AKAP1: variants seen among roughly 807,000 people sequenced by gnomAD.
AKAP1 encodes the protein A-kinase anchoring protein 1.
AKAP1 carries 32 observed loss-of-function variants against 79.8 expected under a neutral mutation model. The ratio of observed to expected loss-of-function variants is 0.40; its 90% CI spans 0.30 to 0.54. AKAP1 has a LOEUF of 0.54. AKAP1 is among the 20% of genes least tolerant of loss of function. AKAP1 has a pLI of 0.47. For synonymous variants in AKAP1, 416 were observed against 466.7 expected (o/e 0.89, Z 1.40); for missense variants, 961 against 1,138.9 (o/e 0.84, Z 2.25).
At chr17:57,110,273 G>A (rs1204731176) in intron 3 of AKAP1, 115 bp downstream of exon 3, 3 of 1,433,592 alleles carry the variant, frequency 2.1e-6, no homozygotes, top group East Asian at 2.3e-5. Context: ...ACCAGAAGGA[G>A]CCCTGGGTCA....
intron 7 of AKAP1, 104 bp downstream of exon 7, chr17:57,116,365 C>A: frequency 7.0e-7 from 1 of 1,423,070 alleles, no homozygotes; most frequent in Non-Finnish European, 9.7e-7. Context: ...AGGGTTACTT[C>A]TTCCCTCCTG....
At chr17:57,118,951 C>T in intron 9 of AKAP1, 31 bp from the exon 10 acceptor site, 1 of 1,606,120 alleles carries the variant, frequency 6.2e-7, no homozygotes, top group Non-Finnish European at 8.5e-7. Flanking sequence ...CAAAACCTAA[C>T]CATATTATTC....
chr17:57,107,249 G>A lies in AKAP1; in HGVS notation c.1714+71G>A, dbSNP rs571447430. The A allele has an allele frequency of 3.1e-5, 47 of 1,524,468 alleles. No individual in the cohort carries two copies. The South Asian group carries it at 6.0e-4, about 19-fold the overall frequency. The allele number at this position is 1,524,468 out of a possible 1,614,324, so 94.4% of individuals were successfully genotyped here. A position where few individuals can be genotyped will look rare whatever the true frequency, so the allele number is the denominator to read the frequency against. On this transcript the variant is annotated intron_variant, in intron 2 of 10. Transcript: ENST00000337714. The stretch of plus-strand genomic sequence containing the variant: ...TTTCTTGGAGAAAGGCTGCCAGTCT[G>A]CCTCTCCCTTCTGCTACTTGTGCAG...
chr17:57,097,157 T>C (rs1914164016), intron 1 of AKAP1, among the ~76,000 whole-genome samples: 1 of 152,184 alleles, frequency 6.6e-6, no homozygotes, highest in Non-Finnish European at 1.5e-5. Flanking sequence ...TTCCCTCCCA[T>C]GCCCAAAGAT....
intron 2 of AKAP1, among the ~76,000 whole-genome samples, chr17:57,108,448 G>A (rs188680488): frequency 4.6e-5 from 7 of 152,318 alleles, no homozygotes; most frequent in African/African-American, 1.2e-4. Flanking sequence ...GAATAAAGGA[G>A]TTTCCCTTTG....
At chr17:57,118,925 T>A in intron 9 of AKAP1, 57 bp from the exon 10 acceptor site, 1 of 1,558,754 alleles carries the variant, frequency 6.4e-7, no homozygotes, top group Admixed American at 1.7e-5. Context: ...TTCAAGATGA[T>A]ATTTGAGTGG....
rs1567908219 is a variant in AKAP1 at position 57,106,847 on chromosome 17, G to C, written c.1383G>C (p.Leu461=). 1 of 1,614,144 alleles carries C rather than the reference G, an allele frequency of 6.2e-7. No individual in the cohort carries two copies. Among genetic ancestry groups the C allele is most frequent in the Non-Finnish European group, 8.5e-7 (1 of 1,180,028 alleles). ...ATATCTCTGCACACCACATCTCCCTGGCCTCCTGCCTGGCACTGACCACCC... is the reference window on the plus strand; with the variant it reads ...ATATCTCTGCACACCACATCTCCCTCGCCTCCTGCCTGGCACTGACCACCC... ...KPNISAHHIS[L]ASCLALTTPS... is the part of the protein sequence containing the mutation. The change falls in exon 2 of 11, where the codon CTG becomes CTC. Residue 461 remains leucine, a synonymous_variant. Coordinates refer to ENST00000337714, the MANE Select transcript of AKAP1 (RefSeq NM_003488.4).
rs373594592 is a variant in AKAP1 at position 57,106,022 on chromosome 17, C to T, written c.558C>T (p.Pro186=). The change falls in exon 2 of 11, where the codon CCC becomes CCT. Residue 186 remains proline, a synonymous_variant. Coordinates refer to ENST00000337714, the MANE Select transcript of AKAP1 (RefSeq NM_003488.4). ...RKVQPGYPVV[P]AEKRSSGERA... ...TCCAGCCAGGCTACCCCGTAGTCCC[C>T]GCAGAGAAGCGTAGCTCTGGGGAGA... The T allele has an allele frequency of 1.3e-5, 21 of 1,613,464 alleles. No homozygotes were observed. The highest frequency in any genetic ancestry group is 4.0e-5 in the African/African-American group (3 of 75,046).
chr17:57,101,706 A>G (rs1224311740), intron 1 of AKAP1: 2 of 152,220 alleles, frequency 1.3e-5, no homozygotes, highest in African/African-American at 2.4e-5. Flanking sequence ...TCCCAAAAGG[A>G]GGAAGTAAGA....
intron 1 of AKAP1, chr17:57,094,957 A>G (rs1231647734): frequency 1.3e-5 from 2 of 151,550 alleles, no homozygotes; most frequent in Non-Finnish European, 2.9e-5. Flanking sequence ...GGGCATCCCA[A>G]CTCTCCTTGG....
In AKAP1 at chr17:57,086,321, G is replaced by T; in HGVS notation, c.-25+923G>T. On this transcript the variant is annotated intron_variant, in intron 1 of 10. Transcript: ENST00000337714. The surrounding 1 kb of genome is among the most constrained non-coding windows in gnomAD (Gnocchi z 5.1). Reference sequence around the variant, plus strand: ...TGGATGCCTCGAACGCGGGCTTTCTGGCGTTCAACTCTTTTGTGCCCTAGC... The same window carrying T: ...TGGATGCCTCGAACGCGGGCTTTCTTGCGTTCAACTCTTTTGTGCCCTAGC... 1 of 415,094 alleles carries T rather than the reference G, an allele frequency of 2.4e-6. No homozygotes were observed. The highest frequency in any genetic ancestry group is 4.8e-6 in the Non-Finnish European group (1 of 208,320). 25.7% of individuals were successfully genotyped at this position (415,094 alleles called of 1,614,324 possible).
intron 5 of AKAP1, among the ~76,000 whole-genome samples, chr17:57,113,517 G>A (rs1247312765): frequency 6.6e-6 from 1 of 150,768 alleles, no homozygotes; most frequent in African/African-American, 2.4e-5. Context: ...ATATGTGAGA[G>A]TAGGCTGAAT....
At chr17:57,118,576 G>A in intron 9 of AKAP1, 122 bp downstream of exon 9, 1 of 924,130 alleles carries the variant, frequency 1.1e-6, no homozygotes, top group Non-Finnish European at 1.7e-6. Flanking sequence ...AAAGGTGCAT[G>A]AAGTAGCTAA....
chr17:57,107,126 C>T lies in AKAP1; in HGVS notation c.1662C>T (p.Asp554=). 6.2e-7 allele frequency: 1 copy of T among 1,613,812 alleles called. No individual in the cohort carries two copies. ...SNGVLKGELS[D]LGAEDGWTMD... ...GGGTGCTGAAGGGGGAGTTGTCAGACTTGGGGGCTGAGGATGGATGGACCA... is the reference window on the plus strand; with the variant it reads ...GGGTGCTGAAGGGGGAGTTGTCAGATTTGGGGGCTGAGGATGGATGGACCA... Residue 554 remains aspartate (D), a synonymous_variant, in exon 2 of 11, where the codon GAC becomes GAT. Coordinates refer to ENST00000337714, the MANE Select transcript of AKAP1 (RefSeq NM_003488.4).
At chr17:57,119,830 CTTTTTT>C (rs3054874) in intron 10 of AKAP1, among the ~76,000 whole-genome samples, 1 of 70,290 alleles carries the variant, frequency 1.4e-5, no homozygotes, top group East Asian at 3.4e-4. Flanking sequence ...CCCTGTTACT[CTTTTTT>C]TTTTTTTTTT....
intron 1 of AKAP1, chr17:57,092,437 T>C (rs1299288046): frequency 6.6e-6 from 1 of 152,288 alleles, no homozygotes; most frequent in Non-Finnish European, 1.5e-5. Context: ...GCTGTGTGTG[T>C]CCGCCTCCTG....
At chr17:57,097,256 G>A (rs903758495) in intron 1 of AKAP1, among the ~76,000 whole-genome samples, 4 of 152,088 alleles carry the variant, frequency 2.6e-5, no homozygotes, top group African/African-American at 9.7e-5. Context: ...AAGCCTTCCT[G>A]GGCTCCCTTT....
chr17:57,107,163 G>A lies in AKAP1; in HGVS notation c.1699G>A (p.Ala567Thr), dbSNP rs1241617201. The stretch of plus-strand genomic sequence containing the variant: ...GGATGGATGGACCATGGATGCGGAA[G>A]CAGATCATTCAGGAGGTAGGAGGGT... ...AEDGWTMDAE[A>T]DHSGGSDRNS... is the part of the protein sequence containing the mutation. Residue 567 changes from alanine (A) to threonine (T), a missense_variant, in exon 2 of 11, where the codon GCA becomes ACA. Physicochemically the swap from Ala to Thr is moderately conservative, Grantham distance 58 (BLOSUM62 0). Coordinates refer to ENST00000337714, the MANE Select transcript of AKAP1 (RefSeq NM_003488.4). 2.5e-6 allele frequency: 4 copies of A among 1,606,626 alleles called. No individual in the cohort carries two copies. Among genetic ancestry groups the A allele is most frequent in the South Asian group, 1.1e-5 (1 of 90,572 alleles).
At chr17:57,089,129 G>A (rs1913629289) in intron 1 of AKAP1, among the ~76,000 whole-genome samples, 1 of 152,222 alleles carries the variant, frequency 6.6e-6, no homozygotes, top group African/African-American at 2.4e-5. Context: ...GGTTTATTCA[G>A]TGGCTAAAAG....
Sources: allele counts gnomAD v4.1 joint callset (sites outside exome capture counted in the v4.1 genomes callset), GRCh38; gene constraint gnomAD v4.1.1; non-coding constraint Gnocchi (gnomAD v3.1); transcripts MANE v1.5; gene names NCBI Gene and HGNC (gene_info 2026-07-23, HGNC 2026-07-21).